CNTNAP2: variants seen among roughly 807,000 people sequenced by gnomAD.
CNTNAP2 encodes the protein contactin-associated protein-like 2.
A neutral mutation model predicts 155.2 loss-of-function variants in CNTNAP2; 98 were observed. The observed-to-expected ratio is 0.63, with a 90% CI of 0.54 to 0.75. CNTNAP2 has a LOEUF of 0.75. Ranked by LOEUF, CNTNAP2 falls within the 30% of genes least tolerant of loss-of-function variation. CNTNAP2 has a pLI of 0.00. For missense variants in CNTNAP2, 1,727 were observed against 1,688.1 expected, an observed-to-expected ratio of 1.02 and a Z score of -0.40; for synonymous variants, 651 against 631.2, an observed-to-expected ratio of 1.03 and a Z score of -0.47.
At chr7:147,882,730 T>C (rs1269700039) in intron 13 of CNTNAP2, among the ~76,000 whole-genome samples, 1 of 152,110 alleles carries the variant, frequency 6.6e-6, no homozygotes, top group African/African-American at 2.4e-5. Context: ...TGTCAAGATA[T>C]CAGCTTTTAT....
At chr7:148,035,825 G>A (rs1326226975) in intron 15 of CNTNAP2, among the ~76,000 whole-genome samples, 1 of 152,136 alleles carries the variant, frequency 6.6e-6, no homozygotes, top group Non-Finnish European at 1.5e-5. Flanking sequence ...CTCCTATGTG[G>A]GCTGAACCCA....
intron 13 of CNTNAP2, among the ~76,000 whole-genome samples, chr7:147,732,586 G>C (rs1410078838): frequency 1.3e-5 from 2 of 152,124 alleles, no homozygotes; most frequent in Admixed American, 6.5e-5. Context: ...GGTATTTCTA[G>C]TTCTAGATCC....
intron 8 of CNTNAP2, among the ~76,000 whole-genome samples, chr7:147,291,780 C>T (rs1805317976): frequency 6.6e-6 from 1 of 152,106 alleles, no homozygotes. Flanking sequence ...TCAAATTGCT[C>T]TAGATGCTAG....
At chr7:147,615,381 T>C (rs2116883816) in intron 12 of CNTNAP2, among the ~76,000 whole-genome samples, 1 of 147,232 alleles carries the variant, frequency 6.8e-6, no homozygotes, top group Middle Eastern at 3.8e-3. Context: ...GTTGGGTGGC[T>C]GAGGCAGGAG....
In CNTNAP2 at chr7:147,059,668, A is replaced by T. The variant is rs562595850; in HGVS notation, c.550+15614A>T. On this transcript the variant is annotated intron_variant, in intron 4 of 23. Coordinates refer to ENST00000361727, the MANE Select transcript of CNTNAP2 (RefSeq NM_014141.6). ...ATATTGGAGCTAGGAACTGAGCAAT[A>T]AGCAGCATTTATTTAGGGTGTCTGG... 2.6e-5 allele frequency among the ~76,000 whole-genome samples: 4 copies of T among 152,276 alleles called. No individual in the cohort carries two copies. The South Asian group carries it at 8.3e-4, about 32-fold the overall frequency.
intron 20 of CNTNAP2, among the ~76,000 whole-genome samples, chr7:148,245,058 T>C (rs1216966780): frequency 6.6e-6 from 1 of 152,236 alleles, no homozygotes; most frequent in Non-Finnish European, 1.5e-5. Context: ...GTATTTTTTA[T>C]GAAAAGCAAT....
At chr7:147,805,839 G>A (rs1391666944) in intron 13 of CNTNAP2, among the ~76,000 whole-genome samples, 1 of 152,130 alleles carries the variant, frequency 6.6e-6, no homozygotes, top group East Asian at 1.9e-4. Context: ...GTATTTTCTT[G>A]AGAATCAAAT....
At chr7:147,420,567 A>G (rs1797274064) in intron 10 of CNTNAP2, among the ~76,000 whole-genome samples, 1 of 152,218 alleles carries the variant, frequency 6.6e-6, no homozygotes, top group African/African-American at 2.4e-5. Context: ...TTATGATTTC[A>G]TTCTGTCACT....
intron 15 of CNTNAP2, among the ~76,000 whole-genome samples, chr7:148,111,861 C>T (rs1804360688): frequency 6.6e-6 from 1 of 152,194 alleles, no homozygotes; most frequent in Admixed American, 6.5e-5. Context: ...CCTCGAGTAT[C>T]TCTTTTCTCA....
chr7:146,440,060 G>T (rs1272813381), intron 1 of CNTNAP2, among the ~76,000 whole-genome samples: 1 of 151,650 alleles, frequency 6.6e-6, no homozygotes, highest in African/African-American at 2.4e-5. Context: ...GGAGGCAGAG[G>T]TTGCAGTGAG....
At chr7:147,491,283 C>G (rs1457233745) in intron 11 of CNTNAP2, among the ~76,000 whole-genome samples, 1 of 151,986 alleles carries the variant, frequency 6.6e-6, no homozygotes, top group Non-Finnish European at 1.5e-5. Context: ...TGATGCATGC[C>G]CTGCACTCTC....
At chr7:147,351,657 AG>A (rs1795969589) in intron 9 of CNTNAP2, among the ~76,000 whole-genome samples, 1 of 151,842 alleles carries the variant, frequency 6.6e-6, no homozygotes, top group African/African-American at 2.4e-5. Context: ...GCATGAGTTT[AG>A]AAACTCATGA....
At chr7:148,197,790 A>G (rs1795300661) in intron 18 of CNTNAP2, among the ~76,000 whole-genome samples, 1 of 152,198 alleles carries the variant, frequency 6.6e-6, no homozygotes, top group African/African-American at 2.4e-5. Context: ...CTTGAAACCA[A>G]ATTTAATGGA....
At chr7:147,691,487 C>A (rs547695015) in intron 13 of CNTNAP2, among the ~76,000 whole-genome samples, 70 of 152,238 alleles carry the variant, frequency 4.6e-4, no homozygotes, top group African/African-American at 1.6e-3. Context: ...ACAATATCTA[C>A]TCTTCCTAAC....
chr7:148,331,741 ATGGATGGAACG>A (rs1798025539), intron 21 of CNTNAP2, among the ~76,000 whole-genome samples: 1 of 150,820 alleles, frequency 6.6e-6, no homozygotes, highest in African/African-American at 2.5e-5. Flanking sequence ...GATGGAGTGG[ATGGATGGAACG>A]GACGGATGGA....
At chr7:146,703,501 C>A (rs1800912305) in intron 1 of CNTNAP2, among the ~76,000 whole-genome samples, 1 of 152,118 alleles carries the variant, frequency 6.6e-6, no homozygotes, top group Admixed American at 6.6e-5. Context: ...ATGTCTTAGT[C>A]TGTTTGGGCT....
chr7:147,693,716 T>G (rs2116995274), intron 13 of CNTNAP2, among the ~76,000 whole-genome samples: 2 of 152,198 alleles, frequency 1.3e-5, no homozygotes, highest in Non-Finnish European at 2.9e-5. Context: ...TCTTATTAAC[T>G]CAGATAGTTT....
chr7:148,231,937 G>A (rs1443372768), intron 20 of CNTNAP2, among the ~76,000 whole-genome samples: 2 of 152,226 alleles, frequency 1.3e-5, no homozygotes, highest in Non-Finnish European at 2.9e-5. Flanking sequence ...TGAGGTAGGA[G>A]AGGAGAAAAA....
At chr7:146,448,640 T>C (rs1426571486) in intron 1 of CNTNAP2, among the ~76,000 whole-genome samples, 1 of 152,046 alleles carries the variant, frequency 6.6e-6, no homozygotes, top group Admixed American at 6.6e-5. Context: ...AGTGCAGAGA[T>C]TCCATGCATT....
Sources: allele counts gnomAD v4.1 joint callset (sites outside exome capture counted in the v4.1 genomes callset), GRCh38; gene constraint gnomAD v4.1.1; transcripts MANE v1.5; gene names NCBI Gene and HGNC (gene_info 2026-07-23, HGNC 2026-07-21).